Variants in EPHA4 observed in about 807,000 individuals in gnomAD.
EPHA4 encodes the protein ephrin type-A receptor 4.
In EPHA4, 19 loss-of-function variants were observed where a neutral mutation model predicts 108.3. The observed-to-expected ratio is 0.18, with a 90% confidence interval of 0.12 to 0.26. EPHA4 has a LOEUF of 0.26. Ranked by LOEUF, EPHA4 falls within the 10% of genes least tolerant of loss-of-function variation. EPHA4 has a pLI of 1.00. For synonymous variants in EPHA4, 449 were observed against 455.5 expected, an observed-to-expected ratio of 0.99 and a Z score of 0.18; for missense variants, 917 against 1,254.0, an observed-to-expected ratio of 0.73 and a Z score of 4.06.
chr2:221,571,248 C>CCACACA lies in EPHA4; in HGVS notation c.91+904_91+909dup, dbSNP rs1172116005. 2.0e-4 allele frequency among the ~76,000 whole-genome samples: 28 copies of CCACACA among 141,390 alleles called. 1 individual carries two copies. The South Asian group carries it at 5.9e-3, about 30-fold the overall frequency. The allele number at this position is 141,390 out of a possible 152,430, so 92.8% of individuals were successfully genotyped here. On this transcript the variant is annotated intron_variant, in intron 1 of 17. Coordinates refer to ENST00000281821, the MANE Select transcript of EPHA4 (RefSeq NM_004438.5). This position sits in a 1 kb window ranked among gnomAD's most constrained non-coding sequence, Gnocchi z 6.3. Reference sequence around the variant, plus strand: ...ACACACGCAGACATGCACACACACACCACACATACACACACACACACACAC... The same window carrying CCACACA: ...ACACACGCAGACATGCACACACACACCACACACACACATACACACACACACACACAC...
chr2:221,560,221 C>T (rs893010303), intron 3 of EPHA4, among the ~76,000 whole-genome samples: 60 of 152,132 alleles, frequency 3.9e-4, no homozygotes, highest in African/African-American at 1.4e-3. Context: ...AGTAGGTGAC[C>T]TTTCACCTGT....
At chr2:221,560,701 T>C (rs375316572) in intron 3 of EPHA4, among the ~76,000 whole-genome samples, 1 of 152,206 alleles carries the variant, frequency 6.6e-6, no homozygotes, top group African/African-American at 2.4e-5. Flanking sequence ...CAAGTCCTCA[T>C]TGCAAGTCTG....
At chr2:221,527,136 G>T (rs1003379973) in intron 3 of EPHA4, among the ~76,000 whole-genome samples, 5 of 151,944 alleles carry the variant, frequency 3.3e-5, no homozygotes, top group African/African-American at 1.2e-4. Context: ...GGAAAAAAAA[G>T]AATCTGAATC....
At chr2:221,544,287 T>C (rs191107049) in intron 3 of EPHA4, among the ~76,000 whole-genome samples, 2 of 152,198 alleles carry the variant, frequency 1.3e-5, no homozygotes, top group South Asian at 4.1e-4. Context: ...GTCTTATAGA[T>C]CTGCCACATA....
chr2:221,528,369 T>C (rs1020298383), intron 3 of EPHA4, among the ~76,000 whole-genome samples: 1 of 152,134 alleles, frequency 6.6e-6, no homozygotes, highest in Admixed American at 6.5e-5. Flanking sequence ...TATTAACCAT[T>C]AGATGCATCA....
chr2:221,494,425 G>A (rs1245223010), intron 4 of EPHA4, among the ~76,000 whole-genome samples: 1 of 152,112 alleles, frequency 6.6e-6, no homozygotes, highest in Non-Finnish European at 1.5e-5. Flanking sequence ...TCAACATAGC[G>A]AAACCCAGGC....
chr2:221,464,265 G>A (rs1201068714), intron 5 of EPHA4, among the ~76,000 whole-genome samples: 1 of 152,132 alleles, frequency 6.6e-6, no homozygotes, highest in East Asian at 1.9e-4. Flanking sequence ...AATGCAAATA[G>A]CATATTTAAA....
intron 5 of EPHA4, among the ~76,000 whole-genome samples, chr2:221,476,508 AC>A: frequency 6.6e-6 from 1 of 152,114 alleles, no homozygotes; most frequent in Non-Finnish European, 1.5e-5. Context: ...GTTTGTATGG[AC>A]CCTTTCTGAA....
At chr2:221,427,492 T>A (rs1446597560) in intron 15 of EPHA4, among the ~76,000 whole-genome samples, 2 of 152,230 alleles carry the variant, frequency 1.3e-5, no homozygotes, top group African/African-American at 4.8e-5. Flanking sequence ...TAGTTAGTTA[T>A]CTTCATCACC....
At chr2:221,563,692 T>TAAGCCCCAGTGAAAAAACTGCAATATGG in intron 3 of EPHA4, 39 bp downstream of exon 3, 1 of 1,600,588 alleles carries the variant, frequency 6.2e-7, no homozygotes, top group South Asian at 1.1e-5. Flanking sequence ...TTACTCGCAC[T>TAAGCCCCAGTGAAAAAACTGCAATATGG]AAGCCCCAGT....
chr2:221,475,347 C>T (rs1255095174), intron 5 of EPHA4, among the ~76,000 whole-genome samples: 1 of 152,176 alleles, frequency 6.6e-6, no homozygotes, highest in African/African-American at 2.4e-5. Flanking sequence ...AAAGTTATGA[C>T]TGAAATCCTA....
At chr2:221,460,171 T>C (rs1374794236) in intron 5 of EPHA4, among the ~76,000 whole-genome samples, 1 of 152,140 alleles carries the variant, frequency 6.6e-6, no homozygotes, top group Non-Finnish European at 1.5e-5. Context: ...GCAGCCCTAC[T>C]TGGGAAGCTG....
intron 10 of EPHA4, among the ~76,000 whole-genome samples, chr2:221,443,239 G>A (rs1227849292): frequency 1.3e-5 from 2 of 149,966 alleles, no homozygotes; most frequent in African/African-American, 4.9e-5. Flanking sequence ...CAAAATCTTA[G>A]TTAGTAAGAA....
intron 8 of EPHA4, among the ~76,000 whole-genome samples, chr2:221,448,503 A>T (rs923227608): frequency 1.3e-5 from 2 of 152,212 alleles, no homozygotes; most frequent in African/African-American, 4.8e-5. Context: ...AAGCCAAACA[A>T]CTTTCTATAA....
At chr2:221,516,352 A>AT (rs10606305) in intron 3 of EPHA4, among the ~76,000 whole-genome samples, 1,259 of 123,324 alleles carry the variant, frequency 0.01, 12 homozygotes, top group Middle Eastern at 0.015. Flanking sequence ...AGATTCAATG[A>AT]TTTTTTTTTT....
chr2:221,439,352 C>T (rs969198551), intron 11 of EPHA4, among the ~76,000 whole-genome samples: 4 of 148,040 alleles, frequency 2.7e-5, no homozygotes, highest in African/African-American at 1.0e-4. Context: ...AAAAAATTGC[C>T]GGATGCAGTG....
intron 3 of EPHA4, among the ~76,000 whole-genome samples, chr2:221,501,635 C>G (rs1263505852): frequency 6.6e-6 from 1 of 152,106 alleles, no homozygotes; most frequent in Non-Finnish European, 1.5e-5. Context: ...AAGTGTTCTG[C>G]CCTCAAAGCC....
rs531018388 is a variant in EPHA4 at position 221,418,961 on chromosome 2, G to A, written c.*2411C>T. The A allele has an allele frequency of 2.6e-5, 4 of 152,754 alleles. No homozygotes were observed. Among genetic ancestry groups the A allele is most frequent in the African/African-American group, 9.6e-5 (4 of 41,564 alleles). The allele number at this position is 152,754 out of a possible 1,614,324, so 9.5% of individuals were successfully genotyped here. A position where few individuals can be genotyped will look rare whatever the true frequency, so the allele number is the denominator to read the frequency against. On this transcript the variant is annotated 3_prime_UTR_variant, in exon 18 of 18. Transcript: ENST00000281821. ...GAATCAACTTTGTCACTCTGGCATA[G>A]AACACAATGCCACACACCCTGTCAG...
At chr2:221,445,522 G>A (rs1002482480) in intron 9 of EPHA4, among the ~76,000 whole-genome samples, 7 of 150,780 alleles carry the variant, frequency 4.6e-5, no homozygotes, top group East Asian at 1.9e-4. Context: ...CCAGGGAGGC[G>A]GAGCTTGCAG....
Sources: gnomAD v4.1 joint callset for allele counts (sites outside exome capture counted in the v4.1 genomes callset) on GRCh38, gnomAD v4.1.1 for gene constraint, Gnocchi (gnomAD v3.1) non-coding constraint, MANE v1.5 for transcripts, NCBI Gene and HGNC (gene_info 2026-07-23, HGNC 2026-07-21) for gene names.